The following ARMH3 variants were observed in gnomAD, a reference collection of about 807,000 sequenced individuals.
The protein encoded by ARMH3 is armadillo like helical domain containing 3.
A neutral mutation model predicts 99.1 loss-of-function variants in ARMH3; 60 were observed. The ratio of observed to expected loss-of-function variants is 0.61; its 90% CI spans 0.49 to 0.75. The LOEUF (loss-of-function observed/expected upper bound fraction) is 0.75, where lower values mean the gene tolerates loss of function less well. ARMH3 is among the 30% of genes least tolerant of loss of function. The probability of loss-of-function intolerance (pLI) is 0.00; values close to 1 mark genes in which losing one functional copy is unlikely to be tolerated. For missense variants in ARMH3, 679 were observed against 843.1 expected (o/e 0.81, Z 2.41); for synonymous variants, 285 against 292.8 (o/e 0.97, Z 0.27).
chr10:101,907,856 T>C (rs1286811517), intron 23 of ARMH3, among the ~76,000 whole-genome samples: 2 of 152,198 alleles, frequency 1.3e-5, no homozygotes, highest in Non-Finnish European at 2.9e-5. Flanking sequence ...TCTCTATTTT[T>C]AGAAATCAAG....
chr10:102,042,790 C>T (rs570847546), intron 1 of ARMH3, among the ~76,000 whole-genome samples: 2 of 152,246 alleles, frequency 1.3e-5, no homozygotes, highest in South Asian at 2.1e-4. Context: ...AGTAAAATAT[C>T]GGCCGGGTGC....
At chr10:102,011,182 A>G (rs1185422800) in intron 11 of ARMH3, among the ~76,000 whole-genome samples, 1 of 152,102 alleles carries the variant, frequency 6.6e-6, no homozygotes, top group South Asian at 2.1e-4. Flanking sequence ...CCTAAAATTC[A>G]GACCTCTAAG....
At chr10:101,982,167 G>C (rs1403358144) in intron 19 of ARMH3, among the ~76,000 whole-genome samples, 6 of 151,898 alleles carry the variant, frequency 4.0e-5, no homozygotes, top group African/African-American at 1.5e-4. Context: ...GATCACCTGA[G>C]GTCAGGAGTT....
intron 22 of ARMH3, among the ~76,000 whole-genome samples, chr10:101,947,021 C>T (rs947897903): frequency 6.6e-6 from 1 of 151,924 alleles, no homozygotes. Flanking sequence ...AACCCCGTCT[C>T]TACTAAAAAT....
In ARMH3 at chr10:102,037,208, T is replaced by A. The variant is rs1272599187; in HGVS notation, c.102+2805A>T. On this transcript the variant is annotated intron_variant, in intron 2 of 25. Transcript: ENST00000370033. The stretch of plus-strand genomic sequence containing the variant: ...CTTTTTTTTTTTTTTTTGAGATGGA[T>A]TCTTGCTCTGTCACCCAGGCTGTAG... 8.7e-5 allele frequency among the ~76,000 whole-genome samples: 13 copies of A among 149,866 alleles called. No homozygotes were observed. In the East Asian group the frequency reaches 2.3e-3, roughly 27 times the overall value.
intron 22 of ARMH3, among the ~76,000 whole-genome samples, chr10:101,953,695 AAACAAC>A (rs746876486): frequency 5.3e-5 from 8 of 152,048 alleles, no homozygotes; most frequent in Admixed American, 4.6e-4. Flanking sequence ...ATCTAGAAGC[AAACAAC>A]AACAACAACA....
intron 15 of ARMH3, among the ~76,000 whole-genome samples, chr10:101,997,527 G>A (rs950891270): frequency 6.6e-6 from 1 of 151,946 alleles, no homozygotes; most frequent in Non-Finnish European, 1.5e-5. Flanking sequence ...GGGAGGCAGA[G>A]GTTGCAGTGA....
At chr10:101,986,124 T>A (rs1004162838) in intron 19 of ARMH3, among the ~76,000 whole-genome samples, 1 of 152,182 alleles carries the variant, frequency 6.6e-6, no homozygotes, top group Non-Finnish European at 1.5e-5. Flanking sequence ...CTTGTGGGGC[T>A]TCTTTCATGC....
intron 19 of ARMH3, among the ~76,000 whole-genome samples, chr10:101,988,427 T>C (rs1360284012): frequency 6.6e-6 from 1 of 152,116 alleles, no homozygotes; most frequent in Non-Finnish European, 1.5e-5. Flanking sequence ...GGACCCCAGC[T>C]AAAATAAGCT....
At chr10:101,984,808 C>T (rs983804137) in intron 19 of ARMH3, among the ~76,000 whole-genome samples, 10 of 151,962 alleles carry the variant, frequency 6.6e-5, no homozygotes, top group Non-Finnish European at 1.2e-4. Flanking sequence ...CAGTGGCTCA[C>T]GCCTGTAATC....
chr10:101,875,911 C>T (rs1305382028), intron 24 of ARMH3, among the ~76,000 whole-genome samples: 1 of 152,138 alleles, frequency 6.6e-6, no homozygotes, highest in Non-Finnish European at 1.5e-5. Context: ...CATCCAATCA[C>T]ACTAATGGGG....
chr10:102,007,159 CAAAAAA>C (rs10639768), intron 13 of ARMH3, among the ~76,000 whole-genome samples: 9 of 60,046 alleles, frequency 1.5e-4, no homozygotes, highest in Non-Finnish European at 2.0e-4. Context: ...GACTCTATCT[CAAAAAA>C]AAAAAAAAAA....
chr10:102,044,321 C>T (rs1302998526), intron 1 of ARMH3, among the ~76,000 whole-genome samples: 4 of 151,478 alleles, frequency 2.6e-5, no homozygotes, highest in Non-Finnish European at 5.9e-5. Context: ...GTGATCCACC[C>T]GCCTTGGCCT....
intron 1 of ARMH3, among the ~76,000 whole-genome samples, chr10:102,044,181 C>T (rs1327193395): frequency 6.6e-6 from 1 of 151,510 alleles, no homozygotes; most frequent in East Asian, 1.9e-4. Flanking sequence ...GCAAGCTCCG[C>T]CTCCTGGGTT....
At chr10:101,880,152 A>G (rs1430640076) in intron 24 of ARMH3, among the ~76,000 whole-genome samples, 1 of 152,244 alleles carries the variant, frequency 6.6e-6, no homozygotes, top group Admixed American at 6.5e-5. Context: ...AAAGACTACA[A>G]TACAGGCTGT....
At chr10:101,940,213 C>G (rs192503557) in intron 22 of ARMH3, among the ~76,000 whole-genome samples, 1 of 152,172 alleles carries the variant, frequency 6.6e-6, no homozygotes, top group African/African-American at 2.4e-5. Flanking sequence ...CTCTGCTAAC[C>G]GGGTTCCATA....
intron 15 of ARMH3, among the ~76,000 whole-genome samples, chr10:102,000,377 A>G (rs192963576): frequency 1.3e-5 from 2 of 152,194 alleles, no homozygotes; most frequent in African/African-American, 4.8e-5. Flanking sequence ...TAGAGGCAGA[A>G]AGCAGAATGG....
intron 24 of ARMH3, among the ~76,000 whole-genome samples, chr10:101,864,887 T>TA (rs34859226): frequency 0.56 from 84,126 of 151,322 alleles, 23,577 homozygotes; most frequent in East Asian, 0.76. Flanking sequence ...AACTTAAATT[T>TA]AAAAAAATCA....
At chr10:101,925,679 C>T (rs181748473) in intron 23 of ARMH3, among the ~76,000 whole-genome samples, 323 of 152,220 alleles carry the variant, frequency 2.1e-3, no homozygotes, top group Middle Eastern at 0.01. Flanking sequence ...AAGGTCAAGG[C>T]GGGCAGATCA....
Sources: gnomAD v4.1 joint callset for allele counts (sites outside exome capture counted in the v4.1 genomes callset) on GRCh38, gnomAD v4.1.1 for gene constraint, MANE v1.5 for transcripts, NCBI Gene and HGNC (gene_info 2026-07-23, HGNC 2026-07-21) for gene names.